The following LITAF variants were observed in gnomAD, a reference collection of about 807,000 sequenced individuals.
The protein encoded by LITAF is lipopolysaccharide induced TNF factor.
LITAF carries 9 observed loss-of-function variants against 14.5 expected under a neutral mutation model. The observed-to-expected ratio is 0.62, with a 90% CI of 0.37 to 1.08. The LOEUF (loss-of-function observed/expected upper bound fraction) is 1.08. Ranked by LOEUF, LITAF falls within the 50% of genes least tolerant of loss-of-function variation. LITAF has a pLI of 0.01. For synonymous variants in LITAF, 98 were observed against 88.2 expected, an observed-to-expected ratio of 1.11 and a Z score of -0.62; for missense variants, 206 against 213.4, an observed-to-expected ratio of 0.97 and a Z score of 0.22.
At chr16:11,630,157 G>T (rs1162869357) in intron 3 of LITAF, among the ~76,000 whole-genome samples, 1 of 152,042 alleles carries the variant, frequency 6.6e-6, no homozygotes, top group African/African-American at 2.4e-5. Flanking sequence ...CCCTGGCGTT[G>T]GGGGGGCTCC....
At chr16:11,578,258 T>C (rs1318208976) in intron 1 of LITAF, among the ~76,000 whole-genome samples, 1 of 152,190 alleles carries the variant, frequency 6.6e-6, no homozygotes, top group East Asian at 1.9e-4. Context: ...TCCTTGACTC[T>C]CTTTCAAAGA....
At chr16:11,630,842 C>T (rs928064915) in intron 3 of LITAF, among the ~76,000 whole-genome samples, 3 of 152,010 alleles carry the variant, frequency 2.0e-5, no homozygotes, top group Admixed American at 6.6e-5. Flanking sequence ...AATGATCCTC[C>T]CGCCTCAGCC....
chr16:11,604,530 G>T (rs2064944573), intron 3 of LITAF, among the ~76,000 whole-genome samples: 2 of 151,636 alleles, frequency 1.3e-5, no homozygotes. Context: ...CTCTCGGCCA[G>T]GTGTGATGGC....
At chr16:11,568,673 G>GTTTTTTTTT (rs374757371) in intron 1 of LITAF, among the ~76,000 whole-genome samples, 2 of 116,364 alleles carry the variant, frequency 1.7e-5, no homozygotes, top group Non-Finnish European at 3.5e-5. Flanking sequence ...GTACACCCTT[G>GTTTTTTTTT]TTTTTTTTTG....
intron 1 of LITAF, among the ~76,000 whole-genome samples, chr16:11,573,752 A>AGT (rs1342969848): frequency 3.2e-5 from 4 of 124,300 alleles, no homozygotes; most frequent in African/African-American, 1.3e-4. Flanking sequence ...CCCAGGTTGG[A>AGT]GTGCAGTGGC....
chr16:11,593,318 T>G lies in LITAF; in HGVS notation c.-6+5070A>C, dbSNP rs1037873422. On this transcript the variant is annotated intron_variant, in intron 1 of 3. Transcript: ENST00000571627. ...TTGCAGTGAGCCGAGATTGCGCCAG[T>G]GCTCTCCAGCATGGGAGACAAGCGA... Among the ~76,000 whole-genome samples the G allele has an allele frequency of 1.5e-5, 2 of 134,184 alleles. 1 individual carries two copies. The highest frequency in any genetic ancestry group is 1.8e-4 in the Admixed American group (2 of 11,190). The allele number at this position is 134,184 out of a possible 152,430, so 88.0% of individuals were successfully genotyped here.
rs576998063 is a variant in LITAF, at chr16:11,553,293, C to A, written c.377+240G>T. 2.2e-5 allele frequency: 11 copies of A among 492,864 alleles called. No individual in the cohort carries two copies. Among genetic ancestry groups the A allele is most frequent in the African/African-American group, 1.7e-4 (9 of 51,518 alleles). The allele number at this position is 492,864 out of a possible 1,614,324, so 30.5% of individuals were successfully genotyped here. ...GGGCGTGGTTGTGCACCCCTATAAT[C>A]CCAGCTACACGGGACGCTAAGGCAG... On this transcript the variant is annotated intron_variant, in intron 3 of 3. Transcript: ENST00000622633. This position sits in a 1 kb window ranked among gnomAD's most constrained non-coding sequence, Gnocchi z 7.7.
chr16:11,595,998 A>T (rs1163769445), intron 1 of LITAF, among the ~76,000 whole-genome samples: 1 of 152,148 alleles, frequency 6.6e-6, no homozygotes, highest in African/African-American at 2.4e-5. Context: ...AGGACAGGAT[A>T]TCCCAGTGAG....
At chr16:11,594,353 G>A (rs1398321009) in intron 1 of LITAF, among the ~76,000 whole-genome samples, 3 of 151,914 alleles carry the variant, frequency 2.0e-5, no homozygotes, top group Admixed American at 6.6e-5. Context: ...ATAGCAAGAG[G>A]AGGCCAGGCA....
upstream of LITAF, among the ~76,000 whole-genome samples, chr16:11,599,591 T>A (rs2064914924): frequency 5.9e-5 from 9 of 152,136 alleles, no homozygotes. Flanking sequence ...GCAAATGGAC[T>A]CATGACACAA....
intron 1 of LITAF, among the ~76,000 whole-genome samples, chr16:11,569,979 C>G (rs139729566): frequency 6.0e-5 from 9 of 150,910 alleles, no homozygotes; most frequent in Admixed American, 5.3e-4. Flanking sequence ...TGCAGTGAGA[C>G]GAGACGCACT....
At chr16:11,564,070 C>G (rs2064414579) in intron 1 of LITAF, among the ~76,000 whole-genome samples, 1 of 152,018 alleles carries the variant, frequency 6.6e-6, no homozygotes, top group African/African-American at 2.4e-5. Flanking sequence ...CTAAACCCAG[C>G]TAATTTTTTT....
intron 1 of LITAF, among the ~76,000 whole-genome samples, chr16:11,577,262 CATCT>C (rs1231655339): frequency 6.6e-6 from 1 of 151,696 alleles, no homozygotes; most frequent in African/African-American, 2.4e-5. Flanking sequence ...CCATATGGCA[CATCT>C]ATCCCATCTA....
intron 3 of LITAF, among the ~76,000 whole-genome samples, chr16:11,631,897 T>C (rs968290024): frequency 1.3e-4 from 19 of 150,842 alleles, no homozygotes; most frequent in African/African-American, 3.9e-4. Flanking sequence ...GTCTACAGGC[T>C]GGAGTGCAAC....
At position 11,634,535 on chromosome 16, in the gene LITAF, A is replaced by C. The variant is rs181342224; in HGVS notation, c.-20-898T>G. Among the ~76,000 whole-genome samples the C allele has an allele frequency of 6.6e-6, 1 of 152,330 alleles. No individual in the cohort carries two copies. Among genetic ancestry groups the C allele is most frequent in the Non-Finnish European group, 1.5e-5 (1 of 68,036 alleles). On this transcript the variant is annotated intron_variant, in intron 2 of 3. Transcript: ENST00000574848. The surrounding 1 kb of genome is among the most constrained non-coding windows in gnomAD (Gnocchi z 4.1). Reference sequence around the variant, plus strand: ...CCCCTGCAGATAACATCACTATTGTAGAATCTAAGATCGGCCTTTTGAAAC... The same window carrying C: ...CCCCTGCAGATAACATCACTATTGTCGAATCTAAGATCGGCCTTTTGAAAC...
chr16:11,550,731 A>C (rs887666564), intron 3 of LITAF, among the ~76,000 whole-genome samples: 1 of 151,996 alleles, frequency 6.6e-6, no homozygotes, highest in Non-Finnish European at 1.5e-5. Context: ...GCTGGCCTCA[A>C]GTGATCCTTC....
At position 11,630,562 on chromosome 16, in the gene LITAF, C is replaced by T. The variant is rs28609727; in HGVS notation, c.85+2971G>A. On this transcript the variant is annotated intron_variant, in intron 3 of 3. Coordinates refer to the LITAF transcript ENST00000574848. ...CGGCAGTGCCTTCCCCTACCTGCCC[C>T]TGGCCAACTTTTTTTTTTTTTTTTT... is the stretch of plus-strand genomic sequence containing the variant. Among the ~76,000 whole-genome samples the T allele has an allele frequency of 1.3e-4, 19 of 145,658 alleles. No individual in the cohort carries two copies. In the South Asian group the frequency reaches 2.6e-3, roughly 20 times the overall value.
At chr16:11,592,820 G>A (rs912365096) in intron 1 of LITAF, among the ~76,000 whole-genome samples, 2 of 152,072 alleles carry the variant, frequency 1.3e-5, no homozygotes, top group Non-Finnish European at 2.9e-5. Flanking sequence ...CAGATCACTT[G>A]AGGTCAGGAG....
intron 3 of LITAF, among the ~76,000 whole-genome samples, chr16:11,550,109 GGTTTT>G (rs892678942): frequency 6.6e-6 from 1 of 151,990 alleles, no homozygotes; most frequent in African/African-American, 2.4e-5. Context: ...TTTAGTTTTT[GGTTTT>G]GTTTTGTTTT....
Sources: gnomAD v4.1 joint callset for allele counts (sites outside exome capture counted in the v4.1 genomes callset) on GRCh38, gnomAD v4.1.1 for gene constraint, Gnocchi (gnomAD v3.1) non-coding constraint, MANE v1.5 for transcripts, NCBI Gene and HGNC (gene_info 2026-07-23, HGNC 2026-07-21) for gene names.